The following MX1 variants were observed in gnomAD, a reference collection of about 807,000 sequenced individuals.
MX1 encodes interferon-induced GTP-binding protein Mx1.
A neutral mutation model predicts 66.4 loss-of-function variants in MX1; 66 were observed. That is an observed-to-expected ratio of 0.99 (90% CI 0.82 to 1.22). The LOEUF (loss-of-function observed/expected upper bound fraction) is 1.22. MX1 is among the 50% of genes most tolerant of loss of function. The pLI, the probability that MX1 is intolerant of heterozygous loss-of-function variation, is 0.00. For missense variants in MX1, 787 were observed against 834.3 expected (o/e 0.94, Z 0.70); for synonymous variants, 311 against 318.1 (o/e 0.98, Z 0.24).
chr21:41,458,511 CTG>C lies in MX1; in HGVS notation c.1759-15_1759-14del. On this transcript the variant is annotated splice_polypyrimidine_tract_variant and intron_variant, in intron 16 of 16. Coordinates refer to ENST00000398598, the MANE Select transcript of MX1 (RefSeq NM_002462.5). Reference sequence around the variant, plus strand: ...AGTGTCCCCTCCACCCTCCCGTGAACTGTTCTTTCCTTCCAGGAGGCCAGCAA... The same window carrying C: ...AGTGTCCCCTCCACCCTCCCGTGAACTTCTTTCCTTCCAGGAGGCCAGCAA... 7.1e-7 allele frequency: 1 copy of C among 1,401,738 alleles called. No individual in the cohort carries two copies. Among genetic ancestry groups the C allele is most frequent in the Non-Finnish European group, 9.6e-7 (1 of 1,044,918 alleles). 86.8% of individuals were successfully genotyped at this position (1,401,738 alleles called of 1,614,324 possible).
intron 15 of MX1, among the ~76,000 whole-genome samples, chr21:41,451,717 C>T (rs139148604): frequency 6.6e-6 from 1 of 151,854 alleles, no homozygotes; most frequent in Non-Finnish European, 1.5e-5. Flanking sequence ...TGCCTGTAAT[C>T]CCAGCTACTT....
upstream of MX1, among the ~76,000 whole-genome samples, chr21:41,425,845 G>T (rs2090047418): frequency 6.6e-6 from 1 of 152,174 alleles, no homozygotes; most frequent in African/African-American, 2.4e-5. Flanking sequence ...CCCTGCTGGT[G>T]CTGGGATCAT....
At chr21:41,450,732 G>C (rs1394281852) in intron 14 of MX1, among the ~76,000 whole-genome samples, 1 of 151,980 alleles carries the variant, frequency 6.6e-6, no homozygotes, top group Non-Finnish European at 1.5e-5. Flanking sequence ...AAGTAGAATA[G>C]AAATGAGTTT....
chr21:41,425,248 T>C (rs2090038215), upstream of MX1, among the ~76,000 whole-genome samples: 1 of 152,070 alleles, frequency 6.6e-6, no homozygotes, highest in African/African-American at 2.4e-5. Context: ...CGAAGGGAGA[T>C]AGGGGTGGGG....
chr21:41,443,785 T>G lies in MX1; in HGVS notation c.930-3T>G. The stretch of plus-strand genomic sequence containing the variant: ...TGGAAATCGGTCCTGTGTTCTCTTC[T>G]AGGGATCTGCTGGAGGAAGGAAAGG... On this transcript the variant is annotated splice_region_variant and splice_polypyrimidine_tract_variant and intron_variant, in intron 10 of 16. Coordinates refer to ENST00000398598, the MANE Select transcript of MX1 (RefSeq NM_002462.5). 6.2e-7 allele frequency: 1 copy of G among 1,614,184 alleles called. No individual in the cohort carries two copies. The highest frequency in any genetic ancestry group is 1.3e-5 in the African/African-American group (1 of 75,052).
intron 7 of MX1, among the ~76,000 whole-genome samples, chr21:41,438,933 A>C (rs2090433957): frequency 6.6e-6 from 1 of 152,168 alleles, no homozygotes; most frequent in Non-Finnish European, 1.5e-5. Flanking sequence ...CTTTGAAGCC[A>C]GCTGGACCAT....
intron 14 of MX1, chr21:41,450,934 A>T: frequency 4.0e-6 from 1 of 247,914 alleles, no homozygotes; most frequent in Non-Finnish European, 7.6e-6. Context: ...GCTATTTAGG[A>T]TAAAAAGTTT....
chr21:41,456,750 G>A (rs1455980228), intron 16 of MX1, among the ~76,000 whole-genome samples: 1 of 143,754 alleles, frequency 7.0e-6, no homozygotes, highest in Non-Finnish European at 1.5e-5. Flanking sequence ...TAAAGTTGTT[G>A]GTTTTTTTTG....
chr21:41,435,867 G>A lies in MX1; in HGVS notation c.136G>A (p.Glu46Lys), dbSNP rs2090344412. 6.2e-7 allele frequency: 1 copy of A among 1,612,868 alleles called. No homozygotes were observed. The highest frequency in any genetic ancestry group is 1.3e-5 in the African/African-American group (1 of 74,902). The change falls in exon 6 of 17, where the codon GAG (glutamate) becomes AAG (lysine). Residue 46 changes from glutamate (E) to lysine (K), a missense_variant. Physicochemically the swap from Glu to Lys is moderately conservative, Grantham distance 56. Coordinates refer to ENST00000398598, the MANE Select transcript of MX1 (RefSeq NM_002462.5). ...VAENNLCSQY[E>K]EKVRPCIDLI... is the part of the protein sequence containing the mutation. The stretch of plus-strand genomic sequence containing the variant: ...TGAGAACAACCTGTGCAGCCAGTAT[G>A]AGGAGAAGGTGCGCCCCTGCATCGA...
At chr21:41,428,655 G>T (rs867065420) in intron 3 of MX1, 4 of 152,228 alleles carry the variant, frequency 2.6e-5, no homozygotes, top group Non-Finnish European at 4.4e-5. Flanking sequence ...ATTCACTGGG[G>T]TCTCTGGTGG....
intron 5 of MX1, among the ~76,000 whole-genome samples, chr21:41,433,287 T>C (rs545738131): frequency 6.6e-6 from 1 of 152,306 alleles, no homozygotes; most frequent in Non-Finnish European, 1.5e-5. Flanking sequence ...TTTACCAGGC[T>C]CTCCAGGTGA....
At chr21:41,445,758 C>A in intron 12 of MX1, 188 bp downstream of exon 12, 1 of 861,916 alleles carries the variant, frequency 1.2e-6, no homozygotes, top group Non-Finnish European at 1.7e-6. Context: ...GTGGAGTCAG[C>A]AGCGAGGGAT....
chr21:41,449,457 T>C, intron 14 of MX1, 162 bp downstream of exon 14: 1 of 658,138 alleles, frequency 1.5e-6, no homozygotes, highest in Non-Finnish European at 2.5e-6. Flanking sequence ...ACAATTCAAT[T>C]CAATTCTGAC....
chr21:41,421,644 G>A (rs933849629), upstream of MX1, among the ~76,000 whole-genome samples: 1 of 152,168 alleles, frequency 6.6e-6, no homozygotes, highest in Non-Finnish European at 1.5e-5. Flanking sequence ...ATCTTGCACC[G>A]CCCTTAATCC....
chr21:41,439,565 G>A, intron 7 of MX1, 129 bp from the exon 8 acceptor site: 3 of 903,852 alleles, frequency 3.3e-6, no homozygotes, highest in South Asian at 3.1e-5. Context: ...ACAGAAAATT[G>A]AATCTGCTCC....
At chr21:41,432,230 G>A in intron 5 of MX1, 55 bp downstream of exon 5, 1 of 1,542,288 alleles carries the variant, frequency 6.5e-7, no homozygotes, top group Non-Finnish European at 8.9e-7. Flanking sequence ...GCCCATTCGA[G>A]GCTGCCCTTT....
intron 4 of MX1, among the ~76,000 whole-genome samples, chr21:41,431,448 T>C (rs537958908): frequency 6.6e-6 from 1 of 151,892 alleles, no homozygotes; most frequent in South Asian, 2.1e-4. Context: ...GAGATAGTTT[T>C]AGAAAATATT....
chr21:41,439,671 G>A, intron 7 of MX1, 23 bp from the exon 8 acceptor site: 1 of 1,611,018 alleles, frequency 6.2e-7, no homozygotes, highest in Non-Finnish European at 8.5e-7. Context: ...GTTTGGGTTT[G>A]ATTTTCCCTG....
In MX1 at chr21:41,432,849, C is replaced by CA. The variant is rs1382384236; in HGVS notation, c.105+676dup. 2.6e-5 allele frequency among the ~76,000 whole-genome samples: 4 copies of CA among 152,274 alleles called. No individual in the cohort carries two copies. In the East Asian group the frequency reaches 7.7e-4, roughly 29 times the overall value. On this transcript the variant is annotated intron_variant, in intron 5 of 16. Coordinates refer to ENST00000398598, the MANE Select transcript of MX1 (RefSeq NM_002462.5). ...TTCAGGCTGGCTCTGTTTTCCTAGG[C>CA]AATGTTAAACAATTTTTCAAACAAT... is the stretch of plus-strand genomic sequence containing the variant.
Sources: gnomAD v4.1 joint callset for allele counts (sites outside exome capture counted in the v4.1 genomes callset) on GRCh38, gnomAD v4.1.1 for gene constraint, MANE v1.5 for transcripts, NCBI Gene and HGNC (gene_info 2026-07-23, HGNC 2026-07-21) for gene names.